TACC1: variants seen among roughly 807,000 people sequenced by gnomAD.
The protein encoded by TACC1 is transforming acidic coiled-coil containing protein 1.
Under a neutral mutation model 84.4 loss-of-function variants are expected in TACC1, and 48 were observed. That is an observed-to-expected ratio of 0.57 (90% CI 0.45 to 0.72). The LOEUF is 0.72. Ranked by LOEUF, TACC1 falls within the 30% of genes least tolerant of loss-of-function variation. The probability of loss-of-function intolerance (pLI) is 0.00; values close to 1 mark genes in which losing one functional copy is unlikely to be tolerated. For missense variants in TACC1, 920 were observed against 973.0 expected (o/e 0.95, Z 0.72); for synonymous variants, 372 against 376.3 (o/e 0.99, Z 0.13).
At chr8:38,774,791 TCAC>T (rs1245637718) in intron 3 of TACC1, among the ~76,000 whole-genome samples, 1 of 152,050 alleles carries the variant, frequency 6.6e-6, no homozygotes, top group Non-Finnish European at 1.5e-5. Context: ...GGCGGGCGGA[TCAC>T]GAGGTCAGGA....
intron 1 of TACC1, among the ~76,000 whole-genome samples, chr8:38,736,482 A>G (rs1011709340): frequency 6.6e-6 from 1 of 152,040 alleles, no homozygotes; most frequent in Non-Finnish European, 1.5e-5. Flanking sequence ...CGGGCATGGT[A>G]GCACACGCCT....
chr8:38,804,049 C>G (rs1159563389), intron 2 of TACC1, among the ~76,000 whole-genome samples: 1 of 152,062 alleles, frequency 6.6e-6, no homozygotes, highest in African/African-American at 2.4e-5. Flanking sequence ...CTTACAGTTA[C>G]TTATAGTATT....
chr8:38,795,444 T>C (rs1421603934), intron 2 of TACC1, among the ~76,000 whole-genome samples: 2 of 152,234 alleles, frequency 1.3e-5, no homozygotes, highest in African/African-American at 4.8e-5. Context: ...GCAGAGACAC[T>C]TTCTACCTGT....
At chr8:38,839,555 GA>G (rs1455453854) in intron 8 of TACC1, 7 of 315,712 alleles carry the variant, frequency 2.2e-5, no homozygotes, top group Non-Finnish European at 3.5e-5. Flanking sequence ...TGCTCTTAGA[GA>G]GCGGTAGCCA....
chr8:38,759,049 C>T (rs1419637529), intron 3 of TACC1, among the ~76,000 whole-genome samples: 1 of 152,084 alleles, frequency 6.6e-6, no homozygotes, highest in African/African-American at 2.4e-5. Flanking sequence ...GCTAATTAGA[C>T]AAAATTGCCA....
intron 3 of TACC1, among the ~76,000 whole-genome samples, chr8:38,755,753 A>ACGAC (rs1554496269): frequency 1.5e-3 from 122 of 82,778 alleles, no homozygotes; most frequent in African/African-American, 6.2e-3. Flanking sequence ...CAACAACAAC[A>ACGAC]GAGTGTTCCT....
Position 38,729,827 on chromosome 8 carries a change from C to T in TACC1, c.-675+1156C>T, listed in dbSNP as rs186118707. ...GAGGTTATAGTGAGCTGAGATCACG[C>T]CACTGCACTTTAGTCTGGGCAACCG... On this transcript the variant is annotated intron_variant, in intron 1 of 14. Coordinates refer to the TACC1 transcript ENST00000518415. Among the ~76,000 whole-genome samples, 153 of 152,198 alleles carry T rather than the reference C, an allele frequency of 1.0e-3. 1 individual carries two copies. Among genetic ancestry groups the T allele is most frequent in the Admixed American group, 4.1e-3 (63 of 15,288 alleles).
intron 1 of TACC1, among the ~76,000 whole-genome samples, chr8:38,737,912 A>G (rs922077316): frequency 6.6e-6 from 1 of 151,550 alleles, no homozygotes. Context: ...TTTTTAGTAG[A>G]GATGGGGTTT....
chr8:38,849,397 T>C lies in TACC1; in HGVS notation c.*1374T>C, dbSNP rs1433854888. 2 of 152,214 alleles carry C rather than the reference T, an allele frequency of 1.3e-5. No individual in the cohort carries two copies. The highest frequency in any genetic ancestry group is 4.8e-5 in the African/African-American group (2 of 41,448). The allele number at this position is 152,214 out of a possible 1,614,324, so 9.4% of individuals were successfully genotyped here. A position where few individuals can be genotyped will look rare whatever the true frequency, so the allele number is the denominator to read the frequency against. ...TAAATCTCAATGAATTCCCTTTCAT[T>C]TGAATAGGCAAACCCAAATCCATGC... On this transcript the variant is annotated 3_prime_UTR_variant, in exon 13 of 13. Coordinates refer to ENST00000317827, the MANE Select transcript of TACC1 (RefSeq NM_006283.3).
chr8:38,787,812 T>C, intron 1 of TACC1, 69 bp downstream of exon 1: 1 of 1,365,036 alleles, frequency 7.3e-7, no homozygotes. Context: ...TCCCTCTGTG[T>C]GCGTGTGTGT....
chr8:38,759,214 G>A (rs1297440932), intron 3 of TACC1, among the ~76,000 whole-genome samples: 3 of 152,102 alleles, frequency 2.0e-5, no homozygotes, highest in Admixed American at 2.0e-4. Context: ...CTCTGTGTCT[G>A]TTTCCTTATG....
intron 9 of TACC1, among the ~76,000 whole-genome samples, chr8:38,841,878 T>C (rs1831342513): frequency 6.6e-6 from 1 of 152,238 alleles, no homozygotes; most frequent in Admixed American, 6.5e-5. Context: ...AACCAGAGTC[T>C]GTCCTTTCTC....
chr8:38,750,890 C>T (rs1425637067), intron 3 of TACC1, among the ~76,000 whole-genome samples: 2 of 152,054 alleles, frequency 1.3e-5, no homozygotes, highest in African/African-American at 4.8e-5. Flanking sequence ...CAATGCAATT[C>T]CCACGAAAAT....
intron 3 of TACC1, among the ~76,000 whole-genome samples, chr8:38,765,038 G>C (rs1011782548): frequency 3.3e-5 from 5 of 151,800 alleles, no homozygotes; most frequent in Non-Finnish European, 5.9e-5. Flanking sequence ...GATGGAGGTT[G>C]CAGTAAGCCG....
At chr8:38,825,615 C>T (rs1464821466) in intron 4 of TACC1, among the ~76,000 whole-genome samples, 1 of 151,994 alleles carries the variant, frequency 6.6e-6, no homozygotes, top group African/African-American at 2.4e-5. Flanking sequence ...AGATGCATCA[C>T]CACAGGGTGT....
Position 38,823,312 on chromosome 8 carries a change from G to A in TACC1, c.1392-1996G>A, listed in dbSNP as rs563585142. On this transcript the variant is annotated intron_variant, in intron 3 of 12. Coordinates refer to ENST00000317827, the MANE Select transcript of TACC1 (RefSeq NM_006283.3). ...GGTTGTTGGAAAATATTATTGATTG[G>A]GTGCCCTCTTTTGTGGCTTTTAAGG... Among the ~76,000 whole-genome samples the A allele has an allele frequency of 2.0e-5, 3 of 152,184 alleles. No individual in the cohort carries two copies. The East Asian group carries it at 5.8e-4, about 29-fold the overall frequency.
intron 11 of TACC1, among the ~76,000 whole-genome samples, chr8:38,845,831 G>T (rs1832126047): frequency 6.6e-6 from 1 of 152,230 alleles, no homozygotes; most frequent in South Asian, 2.1e-4. Context: ...GAGCCTGCCT[G>T]TCTCCTTGTA....
At chr8:38,740,427 A>G (rs577921939) in intron 1 of TACC1, among the ~76,000 whole-genome samples, 28 of 152,346 alleles carry the variant, frequency 1.8e-4, no homozygotes, top group Middle Eastern at 6.8e-3. Context: ...GCCAGAAGAC[A>G]GAGTCTAGGG....
rs568860257 is a variant in TACC1 at position 38,740,919 on chromosome 8, A to G, written c.-674-1432A>G. Among the ~76,000 whole-genome samples the G allele has an allele frequency of 7.9e-5, 12 of 152,306 alleles. No individual in the cohort carries two copies. The South Asian group carries it at 2.3e-3, about 29-fold the overall frequency. On this transcript the variant is annotated intron_variant, in intron 1 of 14. Transcript: ENST00000518415. ...CTTGTATTTAACTTGCTTAAGGTTA[A>G]AAGCCTGTTGTGTTTTGTTGTACCT...
Sources: allele counts gnomAD v4.1 joint callset (sites outside exome capture counted in the v4.1 genomes callset), GRCh38; gene constraint gnomAD v4.1.1; transcripts MANE v1.5; gene names NCBI Gene and HGNC (gene_info 2026-07-23, HGNC 2026-07-21).